SAMD12: variants seen among roughly 807,000 people sequenced by gnomAD.
SAMD12 encodes sterile alpha motif domain-containing protein 12.
SAMD12 carries 9 observed loss-of-function variants against 15.0 expected under a neutral mutation model. That is an observed-to-expected ratio of 0.60 (90% CI 0.36 to 1.05). The LOEUF (loss-of-function observed/expected upper bound fraction) is 1.05, where lower values mean the gene tolerates loss of function less well. SAMD12 is among the 50% of genes least tolerant of loss of function. SAMD12 has a pLI of 0.01. For synonymous variants in SAMD12, 86 were observed against 90.1 expected, an observed-to-expected ratio of 0.96 and a Z score of 0.25; for missense variants, 230 against 234.2, an observed-to-expected ratio of 0.98 and a Z score of 0.12.
At chr8:118,569,830 C>A (rs889506694) in intron 2 of SAMD12, among the ~76,000 whole-genome samples, 2 of 152,192 alleles carry the variant, frequency 1.3e-5, no homozygotes, top group African/African-American at 4.8e-5. Context: ...ACCAAGTCTC[C>A]AGTAATTTGT....
chr8:118,444,959 T>C lies in SAMD12; in HGVS notation c.193-4998A>G, dbSNP rs184565379. ...AGAATGCTTAGACTGTTTACATTCATTGGCAGGGCAAAGTGAGCTTTATGG... is the reference window on the plus strand; with the variant it reads ...AGAATGCTTAGACTGTTTACATTCACTGGCAGGGCAAAGTGAGCTTTATGG... On this transcript the variant is annotated intron_variant, in intron 2 of 3. Transcript: ENST00000314727. Among the ~76,000 whole-genome samples the C allele has an allele frequency of 7.2e-5, 11 of 152,340 alleles. No homozygotes were observed. The East Asian group carries it at 2.1e-3, about 29-fold the overall frequency.
At chr8:118,396,584 C>T (rs1467404618) in intron 3 of SAMD12, among the ~76,000 whole-genome samples, 10 of 152,168 alleles carry the variant, frequency 6.6e-5, no homozygotes, top group East Asian at 1.9e-4. Flanking sequence ...AGGGAGAATA[C>T]TATCATCCTC....
At chr8:118,393,599 TTTTC>T (rs1354492507) in intron 3 of SAMD12, among the ~76,000 whole-genome samples, 1 of 151,016 alleles carries the variant, frequency 6.6e-6, no homozygotes, top group Non-Finnish European at 1.5e-5. Flanking sequence ...CATTTTTTTC[TTTTC>T]TTTTTTTTTT....
At chr8:118,185,240 A>G (rs1346736415), downstream of SAMD12, among the ~76,000 whole-genome samples, 1 of 152,128 alleles carries the variant, frequency 6.6e-6, no homozygotes, top group Non-Finnish European at 1.5e-5. Flanking sequence ...AAATAAATTT[A>G]ATTTTTTATT....
intron 4 of SAMD12, among the ~76,000 whole-genome samples, chr8:118,323,974 C>T (rs1323922606): frequency 1.3e-5 from 2 of 151,998 alleles, no homozygotes; most frequent in East Asian, 3.8e-4. Context: ...CTTTTTAATA[C>T]TTTTTCCTTA....
chr8:118,257,830 GTTC>G (rs752622655), intron 4 of SAMD12, among the ~76,000 whole-genome samples: 21 of 152,196 alleles, frequency 1.4e-4, no homozygotes, highest in Non-Finnish European at 2.2e-4. Flanking sequence ...ATCAAATGCT[GTTC>G]TTCTCCCGAT....
chr8:118,184,659 C>T (rs536545077), downstream of SAMD12, among the ~76,000 whole-genome samples: 69 of 152,152 alleles, frequency 4.5e-4, no homozygotes, highest in African/African-American at 1.6e-3. Context: ...CCATGCCTGG[C>T]TAATATTTTG....
At chr8:118,294,031 T>C (rs1814568158) in intron 4 of SAMD12, among the ~76,000 whole-genome samples, 1 of 152,236 alleles carries the variant, frequency 6.6e-6, no homozygotes, top group African/African-American at 2.4e-5. Flanking sequence ...TTAGCAGAAC[T>C]GGCTCCAAGT....
intron 1 of SAMD12, among the ~76,000 whole-genome samples, chr8:118,584,922 T>C (rs1010093298): frequency 3.4e-5 from 5 of 146,972 alleles, no homozygotes; most frequent in African/African-American, 1.0e-4. Context: ...CTTGTAGGTA[T>C]ACACACACAC....
chr8:118,441,295 T>C (rs1372818652), intron 2 of SAMD12, among the ~76,000 whole-genome samples: 2 of 152,242 alleles, frequency 1.3e-5, no homozygotes, highest in East Asian at 1.9e-4. Flanking sequence ...ATATCTTCTT[T>C]GTTTTTTAAA....
chr8:118,262,571 G>A (rs1402271467), intron 4 of SAMD12, among the ~76,000 whole-genome samples: 1 of 152,040 alleles, frequency 6.6e-6, no homozygotes, highest in Non-Finnish European at 1.5e-5. Flanking sequence ...CAATTCTTCA[G>A]TTAACAACAA....
chr8:118,440,011 G>A (rs778017017), intron 2 of SAMD12, 50 bp from the exon 3 acceptor site: 7 of 1,594,660 alleles, frequency 4.4e-6, no homozygotes, highest in Non-Finnish European at 6.0e-6. Context: ...TGCCTAGGAA[G>A]ACACTATAGT....
chr8:118,140,887 C>T, the SAMD12 span, among the ~76,000 whole-genome samples: 34 of 152,142 alleles, frequency 2.2e-4, no homozygotes, highest in African/African-American at 8.2e-4. Context: ...AGAACCCTGG[C>T]CCTCTGAGTC....
At chr8:118,427,169 A>G (rs1822257621) in intron 3 of SAMD12, among the ~76,000 whole-genome samples, 1 of 152,216 alleles carries the variant, frequency 6.6e-6, no homozygotes, top group Non-Finnish European at 1.5e-5. Flanking sequence ...ATAAGTATCT[A>G]TATCATGGAT....
At chr8:118,399,904 T>C (rs1449935671) in intron 3 of SAMD12, among the ~76,000 whole-genome samples, 1 of 152,176 alleles carries the variant, frequency 6.6e-6, no homozygotes, top group Non-Finnish European at 1.5e-5. Flanking sequence ...GTTACCTGTC[T>C]CTATAGTTAG....
intron 4 of SAMD12, among the ~76,000 whole-genome samples, chr8:118,237,834 C>A (rs551544820): frequency 6.6e-6 from 1 of 152,220 alleles, no homozygotes; most frequent in South Asian, 2.1e-4. Context: ...TCTGCTGTTG[C>A]CTCTCTTCCA....
At chr8:118,525,302 C>G (rs926584947) in intron 2 of SAMD12, among the ~76,000 whole-genome samples, 2 of 152,162 alleles carry the variant, frequency 1.3e-5, no homozygotes, top group African/African-American at 4.8e-5. Context: ...CCTGGGGACT[C>G]TATATCATTT....
chr8:118,201,077 T>C (rs1264874543), intron 4 of SAMD12, among the ~76,000 whole-genome samples: 1 of 152,200 alleles, frequency 6.6e-6, no homozygotes, highest in East Asian at 1.9e-4. Context: ...GAGACTTATC[T>C]GCAACAGGAA....
rs1371593687 is a variant in SAMD12, at chr8:118,534,082, G to A, written c.192+46633C>T. On this transcript the variant is annotated intron_variant, in intron 2 of 3. Transcript: ENST00000314727. ...GCATGTTTTTGCAGTGGCTGGTACT[G>A]GTTGTTCCTTTCCATGTTTAGTGTT... 2.6e-5 allele frequency among the ~76,000 whole-genome samples: 4 copies of A among 152,160 alleles called. No individual in the cohort carries two copies. In the East Asian group the frequency reaches 7.7e-4, roughly 29 times the overall value.
Sources: gnomAD v4.1 joint callset for allele counts (sites outside exome capture counted in the v4.1 genomes callset) on GRCh38, gnomAD v4.1.1 for gene constraint, MANE v1.5 for transcripts, NCBI Gene and HGNC (gene_info 2026-07-23, HGNC 2026-07-21) for gene names.